Variants in GABRA3 observed in about 807,000 individuals in gnomAD.
The protein encoded by GABRA3 is gamma-aminobutyric acid type A receptor subunit alpha3.
A neutral mutation model predicts 30.1 loss-of-function variants in GABRA3; 10 were observed. That is an observed-to-expected ratio of 0.33 (90% CI 0.20 to 0.56). The LOEUF is 0.56. Among genes scored for constraint, GABRA3 ranks in the 20% least tolerant of loss-of-function variants. The probability of loss-of-function intolerance (pLI) is 0.89; values close to 1 mark genes in which losing one functional copy is unlikely to be tolerated. For synonymous variants in GABRA3, 151 were observed against 146.8 expected, an observed-to-expected ratio of 1.03 and a Z score of -0.21; for missense variants, 233 against 392.0, an observed-to-expected ratio of 0.59 and a Z score of 3.42.
Position 152,167,898 on chromosome X carries a change from G to A in GABRA3, c.*330C>T. On this transcript the variant is annotated 3_prime_UTR_variant, in exon 10 of 10. Coordinates refer to ENST00000370314, the MANE Select transcript of GABRA3 (RefSeq NM_000808.4). ...ACAGCCAAGGCTTCCACTATGGAGAGTAGAATCTCTTGTTCTTTTTGCAGC... is the reference window on the plus strand; with the variant it reads ...ACAGCCAAGGCTTCCACTATGGAGAATAGAATCTCTTGTTCTTTTTGCAGC... 3.8e-6 allele frequency: 1 copy of A among 260,396 alleles called. No homozygotes were observed. The highest frequency in any genetic ancestry group is 6.8e-6 in the Non-Finnish European group (1 of 146,908). 21.5% of individuals were successfully genotyped at this position (260,396 alleles called of 1,213,427 possible).
chrX:152,346,522 G>A (rs1281086638), intron 2 of GABRA3, among the ~76,000 whole-genome samples: 1 of 111,733 alleles, frequency 8.9e-6, no homozygotes, highest in African/African-American at 3.3e-5. Context: ...CTTCTTCACA[G>A]CAAAGGAAGC....
chrX:152,227,301 A>G (rs1354288301), intron 5 of GABRA3, among the ~76,000 whole-genome samples: 3 of 97,660 alleles, frequency 3.1e-5, no homozygotes, highest in African/African-American at 1.1e-4. Context: ...CAAACACCGC[A>G]TGTTCTCACT....
chrX:152,319,016 T>C (rs969409628), intron 3 of GABRA3, among the ~76,000 whole-genome samples: 1 of 111,303 alleles, frequency 9.0e-6, no homozygotes, highest in African/African-American at 3.3e-5. Context: ...ATAAAGAGCA[T>C]CAAAATCGGT....
At chrX:152,177,384 G>T (rs940521812) in intron 9 of GABRA3, among the ~76,000 whole-genome samples, 1 of 110,903 alleles carries the variant, frequency 9.0e-6, no homozygotes, top group Admixed American at 9.6e-5. Flanking sequence ...AGAAGTGAGG[G>T]GAGGATAAAT....
At chrX:152,383,693 CA>C (rs370843867) in intron 1 of GABRA3, among the ~76,000 whole-genome samples, 2,396 of 89,147 alleles carry the variant, frequency 0.027, 45 homozygotes, top group South Asian at 0.14. Flanking sequence ...CTCTTGATTA[CA>C]AAAAAAAAAA....
intron 9 of GABRA3, among the ~76,000 whole-genome samples, chrX:152,185,498 T>C (rs1471323103): frequency 9.0e-6 from 1 of 111,349 alleles, no homozygotes; most frequent in Non-Finnish European, 1.9e-5. Flanking sequence ...TTCAAACCAC[T>C]TCCACTCCTC....
intron 1 of GABRA3, among the ~76,000 whole-genome samples, chrX:152,439,741 A>G (rs1930871768): frequency 8.9e-6 from 1 of 111,979 alleles, no homozygotes; most frequent in Admixed American, 9.5e-5. Flanking sequence ...TTACTCAGCA[A>G]TAATAAAGAA....
chrX:152,259,096 T>C, intron 4 of GABRA3, among the ~76,000 whole-genome samples: 1 of 111,675 alleles, frequency 9.0e-6, no homozygotes, highest in Non-Finnish European at 1.9e-5. Flanking sequence ...TTGTGAGACA[T>C]TGAACTAGTG....
chrX:152,377,708 C>A (rs1929032968), intron 1 of GABRA3, among the ~76,000 whole-genome samples: 2 of 111,387 alleles, frequency 1.8e-5, no homozygotes, highest in African/African-American at 6.5e-5. Context: ...TACAGAGCTA[C>A]CAAACCATGT....
At chrX:152,291,415 A>C (rs1939414245) in intron 3 of GABRA3, among the ~76,000 whole-genome samples, 1 of 111,898 alleles carries the variant, frequency 8.9e-6, no homozygotes, top group Non-Finnish European at 1.9e-5. Flanking sequence ...TTTTGGGCTG[A>C]GATGATGGGG....
chrX:152,199,110 T>C (rs1486488532), intron 7 of GABRA3, among the ~76,000 whole-genome samples: 1 of 111,308 alleles, frequency 9.0e-6, no homozygotes, highest in Non-Finnish European at 1.9e-5. Flanking sequence ...AGCCTGCCTG[T>C]AATCCCAGCA....
intron 1 of GABRA3, among the ~76,000 whole-genome samples, chrX:152,416,401 T>C (rs1251810295): frequency 9.7e-6 from 1 of 103,496 alleles, no homozygotes; most frequent in Non-Finnish European, 2.0e-5. Flanking sequence ...GAACATTCCA[T>C]GCTCATGGGT....
intron 1 of GABRA3, among the ~76,000 whole-genome samples, chrX:152,408,874 A>G (rs1930000324): frequency 8.9e-6 from 1 of 111,881 alleles, no homozygotes; most frequent in South Asian, 3.7e-4. Flanking sequence ...AAACAGACAT[A>G]TAGACCAATG....
intron 1 of GABRA3, among the ~76,000 whole-genome samples, chrX:152,419,408 C>A (rs1602720094): frequency 9.0e-6 from 1 of 111,508 alleles, no homozygotes; most frequent in Admixed American, 9.5e-5. Flanking sequence ...CAAACAACTA[C>A]TGTTAGGAAT....
intron 1 of GABRA3, among the ~76,000 whole-genome samples, chrX:152,435,702 C>T (rs1930762633): frequency 9.0e-6 from 1 of 110,571 alleles, no homozygotes; most frequent in Non-Finnish European, 1.9e-5. Context: ...ATGTAACAAA[C>T]CTGCACATTC....
At position 152,387,239 on chromosome X, in the gene GABRA3, T is replaced by C. The variant is rs186124094; in HGVS notation, c.-26-22643A>G. On this transcript the variant is annotated intron_variant, in intron 1 of 9. Coordinates refer to ENST00000370314, the MANE Select transcript of GABRA3 (RefSeq NM_000808.4). ...GTGCAGCACACCAGCATGGCACATG[T>C]GTACATGTGTAACTAAGCTGCACAT... Among the ~76,000 whole-genome samples, 183 of 109,867 alleles carry C rather than the reference T, an allele frequency of 1.7e-3. 2 individuals carry two copies. The highest frequency in any genetic ancestry group is 5.8e-3 in the African/African-American group (175 of 30,118).
intron 1 of GABRA3, among the ~76,000 whole-genome samples, chrX:152,387,997 T>C (rs1929370630): frequency 8.9e-6 from 1 of 112,007 alleles, no homozygotes; most frequent in African/African-American, 3.2e-5. Flanking sequence ...ATATATTTTC[T>C]GCAATATAAC....
chrX:152,360,637 T>C (rs1193242469), intron 2 of GABRA3, among the ~76,000 whole-genome samples: 3 of 78,238 alleles, frequency 3.8e-5, no homozygotes, highest in Non-Finnish European at 4.8e-5. Flanking sequence ...GCATGGCACA[T>C]GTATACATAT....
chrX:152,200,165 A>G (rs925621526), intron 7 of GABRA3, among the ~76,000 whole-genome samples: 1 of 111,832 alleles, frequency 8.9e-6, no homozygotes, highest in African/African-American at 3.3e-5. Context: ...ATTCCCCAAA[A>G]TAGTCCCCAA....
Sources: allele counts gnomAD v4.1 joint callset (sites outside exome capture counted in the v4.1 genomes callset), GRCh38; gene constraint gnomAD v4.1.1; transcripts MANE v1.5; gene names NCBI Gene and HGNC (gene_info 2026-07-23, HGNC 2026-07-21).